MRAS: variants seen among roughly 807,000 people sequenced by gnomAD.
MRAS encodes the protein muscle RAS oncogene homolog, also known as ras-related protein M-Ras.
A neutral mutation model predicts 20.9 loss-of-function variants in MRAS; 4 were observed. The observed-to-expected ratio is 0.19, with a 90% confidence interval of 0.09 to 0.44. The LOEUF is 0.44. Among genes scored for constraint, MRAS ranks in the 20% least tolerant of loss-of-function variants. The pLI, the probability that MRAS is intolerant of heterozygous loss-of-function variation, is 0.99. For missense variants in MRAS, 154 were observed against 277.5 expected, an observed-to-expected ratio of 0.56 and a Z score of 3.16; for synonymous variants, 98 against 102.9, an observed-to-expected ratio of 0.95 and a Z score of 0.29.
chr3:138,351,484 G>T (rs559502263), intron 1 of MRAS, among the ~76,000 whole-genome samples: 2 of 152,312 alleles, frequency 1.3e-5, no homozygotes, highest in African/African-American at 4.8e-5. Flanking sequence ...GGTACCCATT[G>T]TCTAGGGACT....
intron 1 of MRAS, among the ~76,000 whole-genome samples, chr3:138,352,357 G>T (rs1204399459): frequency 6.6e-6 from 1 of 152,176 alleles, no homozygotes; most frequent in Non-Finnish European, 1.5e-5. Context: ...GGGCCATTTA[G>T]CTGGCCAGCA....
intron 1 of MRAS, among the ~76,000 whole-genome samples, chr3:138,371,969 C>T (rs1321624053): frequency 6.6e-6 from 1 of 152,098 alleles, no homozygotes; most frequent in African/African-American, 2.4e-5. Flanking sequence ...CCCAATTATT[C>T]TTTAGAATCC....
intron 2 of MRAS, among the ~76,000 whole-genome samples, chr3:138,385,799 G>A (rs2055000208): frequency 6.6e-6 from 1 of 152,188 alleles, no homozygotes; most frequent in Non-Finnish European, 1.5e-5. Context: ...ACAGGTGTGA[G>A]CCACTGTTCC....
intron 2 of MRAS, among the ~76,000 whole-genome samples, chr3:138,381,687 C>A (rs1324667205): frequency 6.6e-6 from 1 of 152,212 alleles, no homozygotes; most frequent in East Asian, 1.9e-4. Context: ...GTCTCCGACT[C>A]CCCAGCAAGT....
Position 138,398,556 on chromosome 3 carries a change from G to A in MRAS, c.435G>A (p.Ala145=), listed in dbSNP as rs754375420. The change falls in exon 4 of 6, where the codon GCG becomes GCA. Residue 145 remains alanine, a synonymous_variant. Transcript: ENST00000423968. ...KITREQGKEM[A]TKHNIPYIET... is the part of the protein sequence containing the mutation. ...CCAGGGAGCAAGGAAAAGAAATGGC[G>A]ACCAAACACAATGTAGGTGTGTGCG... The A allele has an allele frequency of 4.3e-6, 7 of 1,613,980 alleles. No homozygotes were observed. Among genetic ancestry groups the A allele is most frequent in the South Asian group, 2.2e-5 (2 of 91,072 alleles).
At position 138,402,320 on chromosome 3, in the gene MRAS, C is replaced by A; in HGVS notation, c.*51C>A. On this transcript the variant is annotated 3_prime_UTR_variant, in exon 6 of 6. Transcript: ENST00000423968. ...ACGGTGGCCTGGCCAGCCCTCGGGACCCCTCCCCACCTAACTGCACTGAAA... is the reference window on the plus strand; with the variant it reads ...ACGGTGGCCTGGCCAGCCCTCGGGAACCCTCCCCACCTAACTGCACTGAAA... The A allele has an allele frequency of 6.9e-7, 1 of 1,453,628 alleles. No individual in the cohort carries two copies. The highest frequency in any genetic ancestry group is 9.6e-7 in the Non-Finnish European group (1 of 1,039,574). 90.0% of individuals were successfully genotyped at this position (1,453,628 alleles called of 1,614,324 possible).
chr3:138,365,023 A>G (rs1242175609), intron 1 of MRAS, among the ~76,000 whole-genome samples: 2 of 152,206 alleles, frequency 1.3e-5, no homozygotes, highest in African/African-American at 4.8e-5. Flanking sequence ...GCCTAGCACT[A>G]CAGGCTGGCA....
At chr3:138,370,761 A>G (rs1355218552) in intron 1 of MRAS, among the ~76,000 whole-genome samples, 1 of 152,216 alleles carries the variant, frequency 6.6e-6, no homozygotes, top group Non-Finnish European at 1.5e-5. Context: ...CCAGTACACA[A>G]ATATAATGCA....
intron 3 of MRAS, 77 bp downstream of exon 3, chr3:138,397,554 T>C: frequency 6.7e-7 from 1 of 1,502,966 alleles, no homozygotes; most frequent in Non-Finnish European, 9.1e-7. Flanking sequence ...TCTCTCTCTT[T>C]CTCTTTCTCT....
chr3:138,398,538 G>A lies in MRAS; in HGVS notation c.417G>A (p.Glu139=), dbSNP rs1461345169. 1.9e-6 allele frequency: 3 copies of A among 1,614,098 alleles called. No individual in the cohort carries two copies. The highest frequency in any genetic ancestry group is 1.3e-5 in the African/African-American group (1 of 74,936). ...DLMHLRKITR[E]QGKEMATKHN... ...TGCACTTGAGGAAGATCACCAGGGA[G>A]CAAGGAAAAGAAATGGCGACCAAAC... is the stretch of plus-strand genomic sequence containing the variant. Residue 139 remains glutamate, a synonymous_variant, in exon 4 of 6, where the codon GAG becomes GAA. Coordinates refer to ENST00000423968, the MANE Select transcript of MRAS (RefSeq NM_001085049.3).
intron 2 of MRAS, among the ~76,000 whole-genome samples, chr3:138,380,470 G>A (rs1370862678): frequency 2.7e-5 from 4 of 147,422 alleles, no homozygotes; most frequent in African/African-American, 1.0e-4. Context: ...GCACCACCAC[G>A]CCTGGCTAAT....
At chr3:138,382,876 G>A (rs1173852701) in intron 2 of MRAS, among the ~76,000 whole-genome samples, 4 of 152,302 alleles carry the variant, frequency 2.6e-5, no homozygotes, top group East Asian at 3.9e-4. Flanking sequence ...TGACCAGTTT[G>A]GGCCAAGCAC....
In MRAS at chr3:138,374,054, G is replaced by A. The variant is rs141863030; in HGVS notation, c.193+978G>A. ...GCTCACCGCAACCTCCGCCTCTCGGGTTCAAGCAAATCTCTTGCCTCAGCC... is the reference window on the plus strand; with the variant it reads ...GCTCACCGCAACCTCCGCCTCTCGGATTCAAGCAAATCTCTTGCCTCAGCC... On this transcript the variant is annotated intron_variant, in intron 2 of 5. Coordinates refer to ENST00000423968, the MANE Select transcript of MRAS (RefSeq NM_001085049.3). Among the ~76,000 whole-genome samples, 426 of 152,150 alleles carry A rather than the reference G, an allele frequency of 2.8e-3. 3 individuals carry two copies. Among genetic ancestry groups the A allele is most frequent in the African/African-American group, 9.9e-3 (410 of 41,492 alleles).
rs117303954 is a variant in MRAS, at chr3:138,399,805, T to C, written c.448-729T>C. Among the ~76,000 whole-genome samples the C allele has an allele frequency of 2.4e-4, 36 of 152,280 alleles. No individual in the cohort carries two copies. The East Asian group carries it at 5.8e-3, about 25-fold the overall frequency. ...CCCTGCTGTAGGAGAAGGTGAGCGC[T>C]CAGGAGTGAGTGTGTCCTGACCTCA... On this transcript the variant is annotated intron_variant, in intron 4 of 5. Coordinates refer to ENST00000423968, the MANE Select transcript of MRAS (RefSeq NM_001085049.3).
At chr3:138,378,741 TA>T (rs973158061) in intron 2 of MRAS, among the ~76,000 whole-genome samples, 1 of 152,216 alleles carries the variant, frequency 6.6e-6, no homozygotes, top group Non-Finnish European at 1.5e-5. Context: ...GTACATAACA[TA>T]AAAGTTACCA....
In MRAS at chr3:138,355,512, T is replaced by C. The variant is rs547904953; in HGVS notation, c.-19+6745T>C. Among the ~76,000 whole-genome samples the C allele has an allele frequency of 1.4e-4, 21 of 152,342 alleles. 1 individual carries two copies. The highest frequency in any genetic ancestry group is 1.0e-3 in the South Asian group (5 of 4,826). On this transcript the variant is annotated intron_variant, in intron 1 of 5. Coordinates refer to ENST00000423968, the MANE Select transcript of MRAS (RefSeq NM_001085049.3). The stretch of plus-strand genomic sequence containing the variant: ...CAGGGCAGATTCTTGTCAGTCCTTA[T>C]TGGGGACCGAGATTTCATCTGGTTT...
chr3:138,351,557 C>T (rs548157599), intron 1 of MRAS, among the ~76,000 whole-genome samples: 71 of 152,288 alleles, frequency 4.7e-4, no homozygotes, highest in African/African-American at 1.5e-3. Flanking sequence ...TGTCAGCCCT[C>T]CTAAGTCTTA....
intron 2 of MRAS, among the ~76,000 whole-genome samples, chr3:138,382,454 A>C (rs565119463): frequency 3.8e-4 from 58 of 152,342 alleles, no homozygotes; most frequent in African/African-American, 1.3e-3. Flanking sequence ...AGAGTAAATC[A>C]CTTTCCAGGT....
intron 1 of MRAS, among the ~76,000 whole-genome samples, chr3:138,362,002 C>A (rs1332322421): frequency 1.3e-5 from 2 of 152,220 alleles, no homozygotes; most frequent in Admixed American, 6.5e-5. Context: ...ACAGAGCCCA[C>A]GCCCTGCCCC....
Sources: allele counts gnomAD v4.1 joint callset (sites outside exome capture counted in the v4.1 genomes callset), GRCh38; gene constraint gnomAD v4.1.1; transcripts MANE v1.5; gene names NCBI Gene and HGNC (gene_info 2026-07-23, HGNC 2026-07-21).